Variants in ITPR3 observed in about 807,000 individuals in gnomAD.
The protein encoded by ITPR3 is inositol 1,4,5-trisphosphate-gated calcium channel ITPR3.
In ITPR3, 173 loss-of-function variants were observed where a neutral mutation model predicts 293.2. The ratio of observed to expected loss-of-function variants is 0.59; its 90% CI spans 0.52 to 0.67. The LOEUF (loss-of-function observed/expected upper bound fraction) is 0.67, where lower values mean the gene tolerates loss of function less well. Ranked by LOEUF, ITPR3 falls within the 30% of genes least tolerant of loss-of-function variation. The probability of loss-of-function intolerance (pLI) is 0.00; values close to 1 mark genes in which losing one functional copy is unlikely to be tolerated. For missense variants in ITPR3, 2,796 were observed against 3,592.1 expected (o/e 0.78, Z 5.66); for synonymous variants, 1,295 against 1,444.4 (o/e 0.90, Z 2.35).
intron 33 of ITPR3, 82 bp downstream of exon 33, chr6:33,680,762 TA>T: frequency 6.8e-7 from 1 of 1,475,178 alleles, no homozygotes; most frequent in Non-Finnish European, 9.2e-7. Context: ...AATACATATT[TA>T]TATTTGCTTA....
chr6:33,628,864 A>G (rs9348922), intron 1 of ITPR3, among the ~76,000 whole-genome samples: 44,280 of 152,090 alleles, frequency 0.29, 6,992 homozygotes, highest in East Asian at 0.48. Context: ...TCAGCCAGCC[A>G]GCCCGCCAGC....
At chr6:33,685,250 A>AG in intron 39 of ITPR3, 109 bp from the exon 40 acceptor site, 1 of 1,117,414 alleles carries the variant, frequency 8.9e-7, no homozygotes, top group South Asian at 1.5e-5. Context: ...GCCTGCAGCC[A>AG]GGCCCCTGCA....
rs1177717750 is a variant in ITPR3 at position 33,658,719 on chromosome 6, C to T, written c.419C>T (p.Pro140Leu). 9 of 1,614,066 alleles carry T rather than the reference C, an allele frequency of 5.6e-6. No individual in the cohort carries two copies. Among genetic ancestry groups the T allele is most frequent in the East Asian group, 2.2e-5 (1 of 44,890 alleles). Residue 140 changes from proline to leucine, a missense_variant, in exon 5 of 58, where the codon CCG (proline) becomes CTG (leucine). Pro to Leu is a moderately conservative substitution (Grantham distance 98, BLOSUM62 -3). Around this residue, in one of 8 missense-constraint regions of ITPR3, gnomAD observed 144 missense variants for 230.8 expected, o/e 0.62. Transcript: ENST00000605930. This position sits in a 1 kb window ranked among gnomAD's most constrained non-coding sequence, Gnocchi z 6.1. ...NKYLTVNKRLPALLEKNAMRV... is the reference protein window; with the variant it reads ...NKYLTVNKRLLALLEKNAMRV... ...TACCTGACAGTGAACAAGCGGCTTC[C>T]GGCCTTGCTGGAGAAGAACGCCATG...
intron 9 of ITPR3, among the ~76,000 whole-genome samples, chr6:33,663,246 G>A (rs573608087): frequency 4.6e-5 from 7 of 151,008 alleles, no homozygotes; most frequent in African/African-American, 1.7e-4. Context: ...TACAAAGTGA[G>A]CAAAATTTCC....
rs1175896558 is a variant in ITPR3, at chr6:33,687,340, C to T, written c.6177+13C>T. 6.3e-7 allele frequency: 1 copy of T among 1,587,362 alleles called. No individual in the cohort carries two copies. Among genetic ancestry groups the T allele is most frequent in the African/African-American group, 1.3e-5 (1 of 74,330 alleles). ...CCTGGCGCTGCAGGTACCAGTTCCA[C>T]CCGTGGCAACGGCCATCACCCCCCT... On this transcript the variant is annotated intron_variant, in intron 45 of 57. Coordinates refer to ENST00000605930, the MANE Select transcript of ITPR3 (RefSeq NM_002224.4). The surrounding 1 kb of genome is among the most constrained non-coding windows in gnomAD (Gnocchi z 5.3).
chr6:33,685,163 GA>G (rs1304850983), intron 39 of ITPR3, among the ~76,000 whole-genome samples, 195 bp from the exon 40 acceptor site: 3 of 152,166 alleles, frequency 2.0e-5, no homozygotes, highest in Admixed American at 2.0e-4. Context: ...GTGATGAAAG[GA>G]CCACGTGACA....
intron 43 of ITPR3, among the ~76,000 whole-genome samples, chr6:33,686,755 G>T (rs1765243139): frequency 6.6e-6 from 1 of 152,200 alleles, no homozygotes; most frequent in African/African-American, 2.4e-5. Flanking sequence ...TTCTGGTTTA[G>T]CTGAGGACTT....
At chr6:33,656,485 C>CT (rs1175931260) in intron 3 of ITPR3, among the ~76,000 whole-genome samples, 1 of 152,074 alleles carries the variant, frequency 6.6e-6, no homozygotes, top group Non-Finnish European at 1.5e-5. Context: ...GAGTTGGAGC[C>CT]TGGGGCCCTT....
chr6:33,632,841 C>G lies in ITPR3; in HGVS notation c.90-7643C>G, dbSNP rs1054496284. 5.3e-5 allele frequency among the ~76,000 whole-genome samples: 8 copies of G among 152,246 alleles called. No individual in the cohort carries two copies. Among genetic ancestry groups the G allele is most frequent in the African/African-American group, 1.9e-4 (8 of 41,472 alleles). On this transcript the variant is annotated intron_variant, in intron 1 of 57. Transcript: ENST00000605930. This position sits in a 1 kb window ranked among gnomAD's most constrained non-coding sequence, Gnocchi z 4.1. The stretch of plus-strand genomic sequence containing the variant: ...CACAGGTGTAGACAGGGCTCCTGTC[C>G]TCGGCACTCAGCGTGGTCGCAGGAG...
chr6:33,664,518 T>C lies in ITPR3; in HGVS notation c.1149-352T>C, dbSNP rs576549447. 6.6e-6 allele frequency among the ~76,000 whole-genome samples: 1 copy of C among 152,388 alleles called. No homozygotes were observed. Among genetic ancestry groups the C allele is most frequent in the East Asian group, 1.9e-4 (1 of 5,194 alleles). ...TATTTTTGTGTAATGCATGTGTTTCTATGAAATGTGTGCATCTTGACATTC... is the reference window on the plus strand; with the variant it reads ...TATTTTTGTGTAATGCATGTGTTTCCATGAAATGTGTGCATCTTGACATTC... On this transcript the variant is annotated intron_variant, in intron 11 of 57. Coordinates refer to ENST00000605930, the MANE Select transcript of ITPR3 (RefSeq NM_002224.4). This position sits in a 1 kb window ranked among gnomAD's most constrained non-coding sequence, Gnocchi z 4.4.
rs889270628 is a variant in ITPR3, at chr6:33,675,222, G to T, written c.3117-469G>T. On this transcript the variant is annotated intron_variant, in intron 24 of 57. Transcript: ENST00000605930. The surrounding 1 kb of genome is among the most constrained non-coding windows in gnomAD (Gnocchi z 5.0). ...AGATCACTTGAGGTCAGGAGTTCGA[G>T]ACCAGCCTGGCCAACATGGTGAAAC... 1.1e-4 allele frequency among the ~76,000 whole-genome samples: 16 copies of T among 152,120 alleles called. No homozygotes were observed. Among genetic ancestry groups the T allele is most frequent in the African/African-American group, 3.6e-4 (15 of 41,402 alleles).
Position 33,685,464 on chromosome 6 carries a change from G to A in ITPR3, c.5413G>A (p.Ala1805Thr), listed in dbSNP as rs148493879. 1.2e-6 allele frequency: 2 copies of A among 1,613,802 alleles called. No homozygotes were observed. Among genetic ancestry groups the A allele is most frequent in the African/African-American group, 1.3e-5 (1 of 74,922 alleles). ...CCAGCAGGAGACCAAGTCCACGGTG[G>A]CAGTCAACATGAATGACCTGGGCAG... ...RAQQETKSTV[A>T]VNMNDLGSQP... is the part of the protein sequence containing the mutation. Residue 1805 changes from alanine to threonine, a missense_variant, in exon 40 of 58, where the codon GCA becomes ACA. Coordinates refer to ENST00000605930, the MANE Select transcript of ITPR3 (RefSeq NM_002224.4).
At position 33,687,123 on chromosome 6, in the gene ITPR3, G is replaced by A; in HGVS notation, c.6075+19G>A. On this transcript the variant is annotated intron_variant, in intron 44 of 57. Coordinates refer to ENST00000605930, the MANE Select transcript of ITPR3 (RefSeq NM_002224.4). The surrounding 1 kb of genome is among the most constrained non-coding windows in gnomAD (Gnocchi z 5.3). ...GGAGCTGGTGAGGCTGGGCAGGTGG[G>A]CAGGCGGGCGGAACCAGGTGGAGTG... The A allele has an allele frequency of 6.2e-7, 1 of 1,611,958 alleles. No individual in the cohort carries two copies.
chr6:33,651,737 C>T (rs932125071), intron 2 of ITPR3, among the ~76,000 whole-genome samples: 4 of 152,182 alleles, frequency 2.6e-5, no homozygotes, highest in African/African-American at 9.7e-5. Flanking sequence ...TTCTTTAAGT[C>T]TTAGCATAAC....
chr6:33,665,288 C>A, intron 13 of ITPR3, 75 bp downstream of exon 13: 1 of 1,545,404 alleles, frequency 6.5e-7, no homozygotes, highest in Non-Finnish European at 8.8e-7. Context: ...AGAAAGGAGT[C>A]ATGAAGCAGA....
chr6:33,685,436 G>C lies in ITPR3; in HGVS notation c.5385G>C (p.Arg1795=). The change falls in exon 40 of 58, where the codon CGG becomes CGC. Residue 1795 remains arginine (R), a synonymous_variant. Transcript: ENST00000605930. ...AGGTGCTGCACGACCGCATGAAGCGGGCCCAGCAGGAGACCAAGTCCACGG... is the reference window on the plus strand; with the variant it reads ...AGGTGCTGCACGACCGCATGAAGCGCGCCCAGCAGGAGACCAAGTCCACGG... ...FFKVLHDRMK[R]AQQETKSTVA... The C allele has an allele frequency of 6.2e-7, 1 of 1,614,122 alleles. No homozygotes were observed. The highest frequency in any genetic ancestry group is 8.5e-7 in the Non-Finnish European group (1 of 1,180,020).
rs374197983 is a variant in ITPR3, at chr6:33,687,124, C to T, written c.6075+20C>T. 2.5e-6 allele frequency: 4 copies of T among 1,611,336 alleles called. No individual in the cohort carries two copies. The highest frequency in any genetic ancestry group is 2.7e-5 in the African/African-American group (2 of 74,832). ...GAGCTGGTGAGGCTGGGCAGGTGGG[C>T]AGGCGGGCGGAACCAGGTGGAGTGT... On this transcript the variant is annotated intron_variant, in intron 44 of 57. Transcript: ENST00000605930. This position sits in a 1 kb window ranked among gnomAD's most constrained non-coding sequence, Gnocchi z 5.3.
At chr6:33,628,574 C>T (rs868228361) in intron 1 of ITPR3, among the ~76,000 whole-genome samples, 8 of 152,140 alleles carry the variant, frequency 5.3e-5, no homozygotes, top group African/African-American at 9.7e-5. Flanking sequence ...TGAGGCTGGG[C>T]GTTCACAACA....
At position 33,621,455 on chromosome 6, in the gene ITPR3, C is replaced by CGCCA. The variant is rs1296059603; in HGVS notation, c.-144_-141dup. The CGCCA allele has an allele frequency of 3.8e-6, 2 of 522,648 alleles. No individual in the cohort carries two copies. Among genetic ancestry groups the CGCCA allele is most frequent in the Non-Finnish European group, 6.6e-6 (2 of 304,090 alleles). The allele number at this position is 522,648 out of a possible 1,614,324, so 32.4% of individuals were successfully genotyped here. On this transcript the variant is annotated 5_prime_UTR_variant, in exon 1 of 58. Transcript: ENST00000605930. This position sits in a 1 kb window ranked among gnomAD's most constrained non-coding sequence, Gnocchi z 7.7. The stretch of plus-strand genomic sequence containing the variant: ...CGAGCCGCCTCCTGGCTCCCGTGGC[C>CGCCA]GCCAGCCCGCCCCGGCCGCACCGAG...
Sources: allele counts gnomAD v4.1 joint callset (sites outside exome capture counted in the v4.1 genomes callset), GRCh38; gene constraint gnomAD v4.1.1; regional missense constraint gnomAD v4.1.1; non-coding constraint Gnocchi (gnomAD v3.1); transcripts MANE v1.5; gene names NCBI Gene and HGNC (gene_info 2026-07-23, HGNC 2026-07-21).